Variants in FAT2 observed in about 807,000 individuals in gnomAD.
The protein encoded by FAT2 is protocadherin Fat 2.
FAT2 carries 150 observed loss-of-function variants against 295.3 expected under a neutral mutation model. The observed-to-expected ratio is 0.51, with a 90% CI of 0.44 to 0.58. The LOEUF (loss-of-function observed/expected upper bound fraction) is 0.58. Ranked by LOEUF, FAT2 falls within the 20% of genes least tolerant of loss-of-function variation. The pLI is 0.00. For synonymous variants in FAT2, 2,026 were observed against 2,150.3 expected, an observed-to-expected ratio of 0.94 and a Z score of 1.60; for missense variants, 4,868 against 5,442.7, an observed-to-expected ratio of 0.89 and a Z score of 3.32.
chr5:151,567,763 A>G lies in FAT2; in HGVS notation c.1169T>C (p.Phe390Ser), dbSNP rs544578736. The change falls in exon 2 of 24, where the codon TTC becomes TCC. Residue 390 changes from phenylalanine to serine, a missense_variant. Around this residue, in one of 5 missense-constraint regions of FAT2, gnomAD observed 3,297 missense variants for 3,669.4 expected, o/e 0.90. Transcript: ENST00000261800. Reference protein sequence around the residue: ...RVVMVRVTPAFPNLQYVLKPS... With the variant: ...RVVMVRVTPASPNLQYVLKPS... ...CTTTAGAACATACTGCAGGTTGGGG[A>G]AGGCTGGGGTGACTCTCACCATCAC... The G allele has an allele frequency of 1.2e-6, 2 of 1,614,116 alleles. No homozygotes were observed. The highest frequency in any genetic ancestry group is 2.2e-5 in the East Asian group (1 of 44,882).
chr5:151,558,749 C>T (rs2127637539), intron 3 of FAT2, among the ~76,000 whole-genome samples: 1 of 152,276 alleles, frequency 6.6e-6, no homozygotes, highest in East Asian at 1.9e-4. Context: ...TGGCTCTTCC[C>T]ATGACAGGCT....
chr5:151,578,380 CTA>C (rs531394599), intron 1 of FAT2, among the ~76,000 whole-genome samples: 3 of 152,156 alleles, frequency 2.0e-5, no homozygotes, highest in African/African-American at 4.8e-5. Flanking sequence ...ATCTCTGAGC[CTA>C]TGTTTTTCTT....
chr5:151,566,256 C>G lies in FAT2; in HGVS notation c.2676G>C (p.Lys892Asn). The change falls in exon 2 of 24, where the codon AAG becomes AAC. Residue 892 changes from lysine (K) to asparagine (N), a missense_variant. Lys to Asn is a moderately conservative substitution (Grantham distance 94). Around this residue, in one of 5 missense-constraint regions of FAT2, gnomAD observed 3,297 missense variants for 3,669.4 expected, o/e 0.90. Transcript: ENST00000261800. ...DRESEPRYIL[K>N]VEARDQPSKG... ...TGCTGGGCTGATCCCTGGCCTCCACCTTGAGTATGTACCGAGGCTCTGATT... is the reference window on the plus strand; with the variant it reads ...TGCTGGGCTGATCCCTGGCCTCCACGTTGAGTATGTACCGAGGCTCTGATT... 1 of 1,614,094 alleles carries G rather than the reference C, an allele frequency of 6.2e-7. No individual in the cohort carries two copies. The highest frequency in any genetic ancestry group is 8.5e-7 in the Non-Finnish European group (1 of 1,180,024).
chr5:151,565,340 G>A (rs1758198608), intron 2 of FAT2, among the ~76,000 whole-genome samples: 1 of 151,882 alleles, frequency 6.6e-6, no homozygotes, highest in African/African-American at 2.4e-5. Context: ...AGACCAAATT[G>A]TTAATAAAGA....
chr5:151,564,181 C>T (rs1758147494), intron 2 of FAT2, among the ~76,000 whole-genome samples: 2 of 152,184 alleles, frequency 1.3e-5, no homozygotes, highest in Admixed American at 6.5e-5. Context: ...TAGCACTGTT[C>T]TAGAAGTTGA....
chr5:151,568,512 G>T lies in FAT2; in HGVS notation c.420C>A (p.Asp140Glu). 6.2e-7 allele frequency: 1 copy of T among 1,614,110 alleles called. No homozygotes were observed. The highest frequency in any genetic ancestry group is 8.5e-7 in the Non-Finnish European group (1 of 1,180,022). The change falls in exon 2 of 24, where the codon GAC (aspartate) becomes GAA (glutamate). Residue 140 changes from aspartate to glutamate, a missense_variant. This residue lies in a region of FAT2 where 3,297 missense variants were observed against 3,669.4 expected (regional missense o/e 0.90). Transcript: ENST00000261800. ...AGAAGAGAGGCTTCAGGTCATTCTG[G>T]TCCAGGATGTGGACCACCACACGGG... The part of the protein sequence containing the change: ...ALTRVVVHIL[D>E]QNDLKPLFSP...
intron 11 of FAT2, among the ~76,000 whole-genome samples, chr5:151,539,300 G>A (rs1170046634): frequency 6.6e-6 from 1 of 152,188 alleles, no homozygotes; most frequent in East Asian, 1.9e-4. Flanking sequence ...GAAAAGGTGA[G>A]GAGATATATG....
At chr5:151,516,848 G>A (rs907630891) in intron 20 of FAT2, among the ~76,000 whole-genome samples, 8 of 152,098 alleles carry the variant, frequency 5.3e-5, no homozygotes, top group Non-Finnish European at 7.4e-5. Flanking sequence ...GTTCATGCCT[G>A]TAATCCTAGC....
chr5:151,584,027 T>A (rs1347828977), intron 1 of FAT2, among the ~76,000 whole-genome samples: 6 of 150,800 alleles, frequency 4.0e-5, no homozygotes, highest in African/African-American at 1.5e-4. Context: ...AAAAAAAGTT[T>A]TTTTTAAACA....
chr5:151,567,400 A>T lies in FAT2; in HGVS notation c.1532T>A (p.Leu511Gln), dbSNP rs761739145. 7 of 1,614,192 alleles carry T rather than the reference A, an allele frequency of 4.3e-6. No homozygotes were observed. In the South Asian group the frequency reaches 7.7e-5, roughly 18 times the overall value. ...GGGTTTGGAGGTGGAGATGATCCCCAGGTAGGGGTCAATAGAAAATGGCAA... is the reference window on the plus strand; with the variant it reads ...GGGTTTGGAGGTGGAGATGATCCCCTGGTAGGGGTCAATAGAAAATGGCAA... Reference protein sequence around the residue: ...KALPFSIDPYLGIISTSKPMD... With the variant: ...KALPFSIDPYQGIISTSKPMD... The change falls in exon 2 of 24, where the codon CTG becomes CAG. Residue 511 changes from leucine to glutamine, a missense_variant. Physicochemically the swap from Leu to Gln is moderately radical, Grantham distance 113. Coordinates refer to ENST00000261800, the MANE Select transcript of FAT2 (RefSeq NM_001447.3).
chr5:151,594,605 A>G (rs1759517750), upstream of FAT2, among the ~76,000 whole-genome samples: 1 of 152,214 alleles, frequency 6.6e-6, no homozygotes, highest in African/African-American at 2.4e-5. Flanking sequence ...GTAGGCTTCT[A>G]AAGAAAGAAC....
intron 4 of FAT2, among the ~76,000 whole-genome samples, 163 bp from the exon 5 acceptor site, chr5:151,554,836 C>A (rs1220587461): frequency 6.6e-6 from 1 of 152,002 alleles, no homozygotes; most frequent in African/African-American, 2.4e-5. Context: ...GCAACTTTGC[C>A]CCTGGGAAAG....
chr5:151,510,270 T>G, intron 21 of FAT2, 96 bp from the exon 22 acceptor site: 3 of 1,378,562 alleles, frequency 2.2e-6, no homozygotes, highest in Non-Finnish European at 3.0e-6. Context: ...AGCCGTTCAG[T>G]TACCATTTAT....
chr5:151,553,091 G>A, intron 6 of FAT2, 86 bp downstream of exon 6: 1 of 1,382,488 alleles, frequency 7.2e-7, no homozygotes, highest in Non-Finnish European at 1.0e-6. Flanking sequence ...CTTGAGAAGA[G>A]TCAGAAGGAC....
In FAT2 at chr5:151,543,086, C is replaced by T. The variant is rs2127606798; in HGVS notation, c.8041G>A (p.Val2681Met). 1.2e-6 allele frequency: 2 copies of T among 1,614,098 alleles called. No homozygotes were observed. Among genetic ancestry groups the T allele is most frequent in the Non-Finnish European group, 8.5e-7 (1 of 1,180,028 alleles). Residue 2681 changes from valine to methionine, a missense_variant, in exon 10 of 24, where the codon GTG becomes ATG. This residue lies in a region of FAT2 where 3,297 missense variants were observed against 3,669.4 expected (regional missense o/e 0.90). Transcript: ENST00000261800. ...GGTAAGGATACTTTTTTAGGAACCA[C>T]CTGAAGTCGTACTGGCACCAGAGAG... is the stretch of plus-strand genomic sequence containing the variant. ...WNSLVPVRLQ[V>M]VPKKVSLPKF...
At chr5:151,509,834 G>A in intron 22 of FAT2, 187 bp downstream of exon 22, 2 of 629,180 alleles carry the variant, frequency 3.2e-6, no homozygotes, top group Non-Finnish European at 5.6e-6. Context: ...TGGAAAAAGT[G>A]TCTTCCATGA....
rs1245873519 is a variant in FAT2, at chr5:151,546,151, A to G, written c.4976T>C (p.Ile1659Thr). The G allele has an allele frequency of 1.2e-6, 2 of 1,614,144 alleles. No individual in the cohort carries two copies. Among genetic ancestry groups the G allele is most frequent in the Non-Finnish European group, 1.7e-6 (2 of 1,180,014 alleles). Residue 1659 changes from isoleucine to threonine, a missense_variant, in exon 10 of 24, where the codon ATC becomes ACC. Physicochemically the swap from Ile to Thr is moderately conservative, Grantham distance 89. Coordinates refer to ENST00000261800, the MANE Select transcript of FAT2 (RefSeq NM_001447.3). The stretch of plus-strand genomic sequence containing the variant: ...TACAAAGTACTCAGATTTTGAAAAG[A>G]TGGGGGCACTCCTATCTGAGGGATA... ...HVYPSDRSAP[I>T]FSKSEYFVEI...
At position 151,567,914 on chromosome 5, in the gene FAT2, C is replaced by T. The variant is rs377056065; in HGVS notation, c.1018G>A (p.Gly340Ser). 46 of 1,613,850 alleles carry T rather than the reference C, an allele frequency of 2.9e-5. No individual in the cohort carries two copies. Among genetic ancestry groups the T allele is most frequent in the East Asian group, 4.5e-5 (2 of 44,882 alleles). ...NLSLQARSGSGPYFYSQIRGF... is the reference protein window; with the variant it reads ...NLSLQARSGSSPYFYSQIRGF... ...CTGATCTGGGAATAAAAATAAGGGC[C>T]GCTCCCACTCCTGGCCTGGAGGCTG... Residue 340 changes from glycine to serine, a missense_variant, in exon 2 of 24, where the codon GGC becomes AGC. Around this residue, in one of 5 missense-constraint regions of FAT2, gnomAD observed 3,297 missense variants for 3,669.4 expected, o/e 0.90. Coordinates refer to ENST00000261800, the MANE Select transcript of FAT2 (RefSeq NM_001447.3).
chr5:151,559,740 C>T (rs72798369), intron 3 of FAT2, among the ~76,000 whole-genome samples: 3,043 of 152,116 alleles, frequency 0.02, 49 homozygotes, highest in Non-Finnish European at 0.028. Context: ...CCTCCCCTGA[C>T]CTTCTAAGGT....
Sources: allele counts gnomAD v4.1 joint callset (sites outside exome capture counted in the v4.1 genomes callset), GRCh38; gene constraint gnomAD v4.1.1; regional missense constraint gnomAD v4.1.1; transcripts MANE v1.5; gene names NCBI Gene and HGNC (gene_info 2026-07-23, HGNC 2026-07-21).